Variants in PFKFB2 observed in about 807,000 individuals in gnomAD.
PFKFB2 encodes 6-phosphofructo-2-kinase/fructose-2,6-bisphosphatase 2.
Under a neutral mutation model 68.0 loss-of-function variants are expected in PFKFB2, and 53 were observed. The observed-to-expected ratio is 0.78, with a 90% CI of 0.63 to 0.98. The LOEUF (loss-of-function observed/expected upper bound fraction) is 0.98, where lower values mean the gene tolerates loss of function less well. Among genes scored for constraint, PFKFB2 ranks in the 50% least tolerant of loss-of-function variants. The probability of loss-of-function intolerance (pLI) is 0.00; values close to 1 mark genes in which losing one functional copy is unlikely to be tolerated. For missense variants in PFKFB2, 451 were observed against 642.0 expected, an observed-to-expected ratio of 0.70 and a Z score of 3.22; for synonymous variants, 222 against 227.6, an observed-to-expected ratio of 0.98 and a Z score of 0.22.
intron 2 of PFKFB2, chr1:207,045,941 A>C (rs982528550): frequency 1.3e-5 from 2 of 152,112 alleles, no homozygotes; most frequent in Admixed American, 6.5e-5. Context: ...ATTTCATGGG[A>C]AACAATGAAG....
Position 207,076,465 on chromosome 1 carries a change from GT to G in PFKFB2, c.*4095del. ...TGATAGATTTACCCAGCTTTTCTAT[GT>G]ATTTTGACTTATTGAAAATATGTAA... On this transcript the variant is annotated 3_prime_UTR_variant, in exon 15 of 15. Coordinates refer to ENST00000367080, the MANE Select transcript of PFKFB2 (RefSeq NM_006212.2). The G allele has an allele frequency of 1.0e-6, 1 of 985,316 alleles. No individual in the cohort carries two copies. The highest frequency in any genetic ancestry group is 1.2e-6 in the Non-Finnish European group (1 of 829,864). The allele number at this position is 985,316 out of a possible 1,614,324, so 61.0% of individuals were successfully genotyped here.
upstream of PFKFB2, chr1:207,050,660 T>C (rs1376924840): frequency 1.2e-6 from 2 of 1,609,914 alleles, no homozygotes; most frequent in African/African-American, 1.3e-5. Flanking sequence ...TCCCGGGACT[T>C]TCCCTGGCCC....
At chr1:207,078,134 T>C (rs1408351881), downstream of PFKFB2, among the ~76,000 whole-genome samples, 2 of 152,262 alleles carry the variant, frequency 1.3e-5, no homozygotes, top group Admixed American at 1.3e-4. Flanking sequence ...ACTCATATTA[T>C]GTATTATAAA....
downstream of PFKFB2, chr1:207,080,971 G>A (rs185224884): frequency 3.9e-4 from 60 of 152,054 alleles, no homozygotes; most frequent in Middle Eastern, 0.01. Context: ...AAATATGCGA[G>A]TAATATGTAT....
chr1:207,051,113 T>C (rs1189544905), upstream of PFKFB2: 1 of 1,427,630 alleles, frequency 7.0e-7, no homozygotes, highest in African/African-American at 1.4e-5. Context: ...GCGAACTCTT[T>C]TAAAGTGACA....
At chr1:207,062,852 A>C (rs1048205783) in intron 4 of PFKFB2, 136 bp downstream of exon 4, 1 of 886,230 alleles carries the variant, frequency 1.1e-6, no homozygotes, top group Non-Finnish European at 1.8e-6. Flanking sequence ...TGGGCAAGTG[A>C]CCTTGGGCTT....
Position 207,073,809 on chromosome 1 carries a change from A to G in PFKFB2, c.*1438A>G, listed in dbSNP as rs1030646030. The G allele has an allele frequency of 3.0e-6, 3 of 985,406 alleles. No individual in the cohort carries two copies. Among genetic ancestry groups the G allele is most frequent in the Non-Finnish European group, 3.6e-6 (3 of 829,892 alleles). 61.0% of individuals were successfully genotyped at this position (985,406 alleles called of 1,614,324 possible). A position where few individuals can be genotyped will look rare whatever the true frequency, so the allele number is the denominator to read the frequency against. On this transcript the variant is annotated 3_prime_UTR_variant, in exon 15 of 15. Transcript: ENST00000367080. ...GGCTTATTCTCTTTCCCAATTTTGC[A>G]TGCAAAATGTACGAATATATGTATG...
chr1:207,053,948 G>A (rs1385382911), intron 1 of PFKFB2, among the ~76,000 whole-genome samples: 1 of 136,790 alleles, frequency 7.3e-6, no homozygotes. Context: ...TCTGTCGCTA[G>A]GCTGGAGTGC....
At chr1:207,068,126 T>TG in intron 9 of PFKFB2, 37 bp from the exon 10 acceptor site, 1 of 1,148,518 alleles carries the variant, frequency 8.7e-7, no homozygotes. Context: ...GTCTGTGTGT[T>TG]TTCTTTTTAC....
chr1:207,064,893 G>GA, intron 7 of PFKFB2, 143 bp from the exon 8 acceptor site: 1 of 914,332 alleles, frequency 1.1e-6, no homozygotes, highest in Non-Finnish European at 1.6e-6. Context: ...GGGGCGGGGG[G>GA]TACTCAATGA....
At position 207,063,834 on chromosome 1, in the gene PFKFB2, G is replaced by T. The variant is rs1214217974; in HGVS notation, c.507+5G>T. On this transcript the variant is annotated splice_donor_5th_base_variant and intron_variant, in intron 7 of 14. Transcript: ENST00000367080. The surrounding 1 kb of genome is among the most constrained non-coding windows in gnomAD (Gnocchi z 4.1). ...GTCATTGCTGCCAATATTCTGGTTG[G>T]TGACACCCCTACATATCATCTCCTC... The T allele has an allele frequency of 1.2e-6, 2 of 1,608,962 alleles. No homozygotes were observed. The highest frequency in any genetic ancestry group is 1.7e-6 in the Non-Finnish European group (2 of 1,175,854).
intron 2 of PFKFB2, chr1:207,047,101 C>G (rs1266969708): frequency 6.6e-6 from 1 of 152,466 alleles, no homozygotes; most frequent in Non-Finnish European, 1.5e-5. Context: ...CCAAAACCAT[C>G]CAGATCAGAT....
upstream of PFKFB2, among the ~76,000 whole-genome samples, chr1:207,050,019 C>T (rs1682698236): frequency 6.6e-6 from 1 of 152,296 alleles, no homozygotes; most frequent in South Asian, 2.1e-4. Context: ...ATTTCCTTTC[C>T]TTATACAGTA....
chr1:207,069,323 A>G (rs1683398451), intron 10 of PFKFB2, 101 bp from the exon 11 acceptor site: 3 of 787,914 alleles, frequency 3.8e-6, no homozygotes, highest in Non-Finnish European at 6.6e-6. Context: ...CCTGGCACGT[A>G]CTAAGAAACT....
At chr1:207,038,159 C>T (rs1558050317) in intron 1 of PFKFB2, among the ~76,000 whole-genome samples, 1 of 152,140 alleles carries the variant, frequency 6.6e-6, no homozygotes, top group Non-Finnish European at 1.5e-5. Flanking sequence ...AACTTTATTC[C>T]TTTACAGGAA....
exon 1 of PFKFB2, chr1:207,034,468 C>T (rs1682338398): frequency 6.6e-6 from 1 of 152,202 alleles, no homozygotes; most frequent in Admixed American, 6.5e-5. Flanking sequence ...GATCCAGCTC[C>T]ATAGGTGTGT....
Position 207,069,348 on chromosome 1 carries a change from T to C in PFKFB2, c.988-76T>C, listed in dbSNP as rs113484476. ...ACTAAGAAACTAGCATTCTTCAATG[T>C]CATCTTCCTTATTTGGGATGGGGCT... On this transcript the variant is annotated intron_variant, in intron 10 of 14. Transcript: ENST00000367080. 58 of 984,548 alleles carry C rather than the reference T, an allele frequency of 5.9e-5. No homozygotes were observed. In the African/African-American group the frequency reaches 7.4e-4, roughly 13 times the overall value. The allele number at this position is 984,548 out of a possible 1,614,324, so 61.0% of individuals were successfully genotyped here.
In PFKFB2 at chr1:207,077,735, G is replaced by A. The variant is rs1683669227; in HGVS notation, c.*5364G>A. On this transcript the variant is annotated 3_prime_UTR_variant, in exon 15 of 15. Coordinates refer to ENST00000367080, the MANE Select transcript of PFKFB2 (RefSeq NM_006212.2). ...AGTATGCCACTCAGATCCATTTAAA[G>A]TGTGCATAACTGTATTTGAAATGTG... 2.0e-6 allele frequency: 2 copies of A among 985,064 alleles called. No homozygotes were observed. Among genetic ancestry groups the A allele is most frequent in the Non-Finnish European group, 2.4e-6 (2 of 829,320 alleles). The allele number at this position is 985,064 out of a possible 1,614,324, so 61.0% of individuals were successfully genotyped here. A position where few individuals can be genotyped will look rare whatever the true frequency, so the allele number is the denominator to read the frequency against.
chr1:207,072,324 C>G lies in PFKFB2; in HGVS notation c.1471C>G (p.Pro491Ala). The change falls in exon 15 of 15, where the codon CCC (proline) becomes GCC (alanine). Residue 491 changes from proline to alanine, a missense_variant. Physicochemically the swap from Pro to Ala is conservative, Grantham distance 27. Transcript: ENST00000367080. The stretch of plus-strand genomic sequence containing the variant: ...CAGTGTTGGGAGCCGGCCCCTCAAG[C>G]CCCTCAGCCCTCTCCGTGCCCAGGA... ...NYSVGSRPLK[P>A]LSPLRAQDMQ... 6.2e-7 allele frequency: 1 copy of G among 1,614,154 alleles called. No individual in the cohort carries two copies. The highest frequency in any genetic ancestry group is 1.1e-5 in the South Asian group (1 of 91,082).
Sources: allele counts gnomAD v4.1 joint callset (sites outside exome capture counted in the v4.1 genomes callset), GRCh38; gene constraint gnomAD v4.1.1; non-coding constraint Gnocchi (gnomAD v3.1); transcripts MANE v1.5; gene names NCBI Gene and HGNC (gene_info 2026-07-23, HGNC 2026-07-21).